NLN: variants seen among roughly 807,000 people sequenced by gnomAD.
NLN encodes the protein neurolysin.
A neutral mutation model predicts 79.9 loss-of-function variants in NLN; 64 were observed. The ratio of observed to expected loss-of-function variants is 0.80; its 90% CI spans 0.65 to 0.99. The LOEUF (loss-of-function observed/expected upper bound fraction) is 0.99. Among genes scored for constraint, NLN ranks in the 50% least tolerant of loss-of-function variants. The pLI, the probability that NLN is intolerant of heterozygous loss-of-function variation, is 0.00. For synonymous variants in NLN, 267 were observed against 296.6 expected, an observed-to-expected ratio of 0.90 and a Z score of 1.02; for missense variants, 835 against 858.7, an observed-to-expected ratio of 0.97 and a Z score of 0.34.
chr5:65,782,801 C>CA (rs1228959543), intron 6 of NLN, among the ~76,000 whole-genome samples: 3 of 152,022 alleles, frequency 2.0e-5, no homozygotes, highest in East Asian at 1.9e-4. Flanking sequence ...CAACAAATGC[C>CA]AAAAAAACAC....
intron 5 of NLN, 60 bp downstream of exon 5, chr5:65,780,341 C>A: frequency 1.5e-6 from 1 of 651,518 alleles, no homozygotes; most frequent in Non-Finnish European, 2.7e-6. Context: ...TGTTACCTCA[C>A]AGTTTGTTTT....
Position 65,823,329 on chromosome 5 carries a change from A to G in NLN, c.*414A>G, listed in dbSNP as rs16894381. The G allele has an allele frequency of 6.3e-6, 1 of 157,734 alleles. No individual in the cohort carries two copies. The highest frequency in any genetic ancestry group is 2.4e-5 in the African/African-American group (1 of 41,458). The allele number at this position is 157,734 out of a possible 1,614,324, so 9.8% of individuals were successfully genotyped here. A position where few individuals can be genotyped will look rare whatever the true frequency, so the allele number is the denominator to read the frequency against. The stretch of plus-strand genomic sequence containing the variant: ...TCTGGACTGATAAATGAATCATCAC[A>G]TTCTTCTGGTAAATATTTTCTTGGA... On this transcript the variant is annotated 3_prime_UTR_variant, in exon 13 of 13. Coordinates refer to ENST00000380985, the MANE Select transcript of NLN (RefSeq NM_020726.5).
At chr5:65,786,757 G>A (rs1023023136) in intron 7 of NLN, among the ~76,000 whole-genome samples, 2 of 152,198 alleles carry the variant, frequency 1.3e-5, no homozygotes, top group African/African-American at 4.8e-5. Context: ...AGCTACTTGG[G>A]AGGCTGAGGT....
chr5:65,809,951 C>A, intron 10 of NLN, 86 bp from the exon 11 acceptor site: 1 of 1,442,662 alleles, frequency 6.9e-7, no homozygotes, highest in Non-Finnish European at 9.6e-7. Context: ...CTACTGGAAT[C>A]TGTTTTTGGA....
chr5:65,724,941 A>G (rs557926377), intron 1 of NLN, among the ~76,000 whole-genome samples: 73 of 151,508 alleles, frequency 4.8e-4, no homozygotes, highest in Non-Finnish European at 8.1e-4. Flanking sequence ...AGCTGGGACT[A>G]CAGGCGCCCG....
intron 2 of NLN, 61 bp downstream of exon 2, chr5:65,758,887 GCTTT>G: frequency 6.9e-7 from 1 of 1,450,654 alleles, no homozygotes; most frequent in Non-Finnish European, 9.5e-7. Flanking sequence ...ATCATTTCAT[GCTTT>G]CTGTCTTTCA....
In NLN at chr5:65,802,427, C is replaced by T. The variant is rs372341500; in HGVS notation, c.1528-7088C>T. On this transcript the variant is annotated intron_variant, in intron 9 of 12. Coordinates refer to ENST00000380985, the MANE Select transcript of NLN (RefSeq NM_020726.5). ...TGGGGAACACAGTGGCACCCAGAAG[C>T]TTAGAGACGCTGGGAACCACATAGC... 5.7e-4 allele frequency among the ~76,000 whole-genome samples: 87 copies of T among 152,330 alleles called. 3 individuals carry two copies. In the East Asian group the frequency reaches 6.6e-3, roughly 12 times the overall value.
intron 6 of NLN, among the ~76,000 whole-genome samples, chr5:65,782,745 C>A (rs1326574327): frequency 6.6e-6 from 1 of 152,152 alleles, no homozygotes; most frequent in Non-Finnish European, 1.5e-5. Flanking sequence ...TAGAAACTGG[C>A]CAATTCTCAC....
chr5:65,724,048 A>G (rs1758395114), intron 1 of NLN, among the ~76,000 whole-genome samples: 2 of 151,782 alleles, frequency 1.3e-5, no homozygotes, highest in African/African-American at 2.4e-5. Flanking sequence ...CTATTTTCCA[A>G]ACCAACCCCC....
At position 65,824,589 on chromosome 5, in the gene NLN, C is replaced by T. The variant is rs971892630; in HGVS notation, c.*1674C>T. 1.3e-5 allele frequency: 2 copies of T among 152,168 alleles called. No individual in the cohort carries two copies. Among genetic ancestry groups the T allele is most frequent in the African/African-American group, 4.8e-5 (2 of 41,442 alleles). 9.4% of individuals were successfully genotyped at this position (152,168 alleles called of 1,614,324 possible). On this transcript the variant is annotated 3_prime_UTR_variant, in exon 13 of 13. Coordinates refer to ENST00000380985, the MANE Select transcript of NLN (RefSeq NM_020726.5). ...TCTTCAGCTTTTTCCAGTGTGTCTC[C>T]TTAACAGTAACTTTACCACTTGAAA...
In NLN at chr5:65,777,529, C is replaced by G. The variant is rs2150755292; in HGVS notation, c.553C>G (p.Gln185Glu). ...TGGGCTCCATCTTCCTGAACAAGTACAGAATGTGAGTTTATGTTTTCTTTT... is the reference window on the plus strand; with the variant it reads ...TGGGCTCCATCTTCCTGAACAAGTAGAGAATGTGAGTTTATGTTTTCTTTT... ...RNGLHLPEQVQNEIKSMKKRM... is the reference protein window; with the variant it reads ...RNGLHLPEQVENEIKSMKKRM... The change falls in exon 4 of 13, where the codon CAG becomes GAG. Residue 185 changes from glutamine (Q) to glutamate (E), a missense_variant. Physicochemically the swap from Gln to Glu is conservative, Grantham distance 29. Coordinates refer to ENST00000380985, the MANE Select transcript of NLN (RefSeq NM_020726.5). The G allele has an allele frequency of 6.4e-7, 1 of 1,562,904 alleles. No homozygotes were observed. Among genetic ancestry groups the G allele is most frequent in the East Asian group, 2.2e-5 (1 of 44,482 alleles).
chr5:65,745,849 G>A (rs778703725), intron 1 of NLN, among the ~76,000 whole-genome samples: 21 of 152,212 alleles, frequency 1.4e-4, no homozygotes, highest in Admixed American at 1.3e-3. Flanking sequence ...GAACAGATTA[G>A]AAAGCATCCA....
At position 65,785,829 on chromosome 5, in the gene NLN, C is replaced by T. The variant is rs1448212292; in HGVS notation, c.877C>T (p.Leu293=). Residue 293 remains leucine, a synonymous_variant, in exon 7 of 13, where the codon CTA becomes TTA. Coordinates refer to ENST00000380985, the MANE Select transcript of NLN (RefSeq NM_020726.5). ...LLPLRTKVAK[L]LGYSTHADFV... is the part of the protein sequence containing the mutation. The stretch of plus-strand genomic sequence containing the variant: ...CCCACTGCGAACCAAGGTGGCCAAA[C>T]TACTCGGTTATAGCACACATGCTGA... The T allele has an allele frequency of 2.5e-6, 4 of 1,613,838 alleles. No individual in the cohort carries two copies. The East Asian group carries it at 6.7e-5, about 27-fold the overall frequency.
chr5:65,818,046 TGAGG>T (rs1169334194), intron 12 of NLN, among the ~76,000 whole-genome samples: 1 of 152,232 alleles, frequency 6.6e-6, no homozygotes, highest in Non-Finnish European at 1.5e-5. Context: ...TCGCCTGACT[TGAGG>T]GACAAAGGAA....
intron 7 of NLN, among the ~76,000 whole-genome samples, chr5:65,787,200 A>C (rs924797907): frequency 3.9e-5 from 6 of 152,152 alleles, no homozygotes; most frequent in African/African-American, 1.4e-4. Flanking sequence ...CAGCCTGGGC[A>C]ACATAGCAAA....
intron 12 of NLN, 45 bp from the exon 13 acceptor site, chr5:65,822,736 T>C (rs1229412599): frequency 1.3e-6 from 2 of 1,511,588 alleles, no homozygotes. Flanking sequence ...ATTTGGAAAA[T>C]TGCTAGAACC....
Position 65,722,389 on chromosome 5 carries a change from C to T in NLN, c.16C>T (p.Leu6Phe). The change falls in exon 1 of 13, where the codon CTT (leucine) becomes TTT (phenylalanine). Residue 6 changes from leucine to phenylalanine, a missense_variant. Leu to Phe is a conservative substitution (Grantham distance 22). Coordinates refer to ENST00000380985, the MANE Select transcript of NLN (RefSeq NM_020726.5). ...CAGCGCTCCCATGATCGCCCGGTGC[C>T]TTTTGGCTGTGCGAAGCCTCCGCAG... Reference protein sequence around the residue: MIARCLLAVRSLRRVG... With the variant: MIARCFLAVRSLRRVG... The T allele has an allele frequency of 6.3e-7, 1 of 1,591,244 alleles. No homozygotes were observed. Among genetic ancestry groups the T allele is most frequent in the Non-Finnish European group, 8.5e-7 (1 of 1,170,372 alleles).
At chr5:65,772,626 T>C (rs1759591952) in intron 3 of NLN, among the ~76,000 whole-genome samples, 1 of 152,200 alleles carries the variant, frequency 6.6e-6, no homozygotes, top group Non-Finnish European at 1.5e-5. Context: ...ATTACAAATA[T>C]AATACAATTA....
intron 1 of NLN, among the ~76,000 whole-genome samples, chr5:65,729,323 AC>A (rs1264755785): frequency 1.4e-5 from 2 of 147,746 alleles, no homozygotes; most frequent in African/African-American, 5.3e-5. Context: ...AGCTAGGTTG[AC>A]ATTATTTGTA....
Sources: allele counts gnomAD v4.1 joint callset (sites outside exome capture counted in the v4.1 genomes callset), GRCh38; gene constraint gnomAD v4.1.1; transcripts MANE v1.5; gene names NCBI Gene and HGNC (gene_info 2026-07-23, HGNC 2026-07-21).